Variants in MOV10 observed in about 807,000 individuals in gnomAD.
MOV10 encodes the protein Mov10 RNA helicase, also known as RNA helicase MOV-10.
A neutral mutation model predicts 108.4 loss-of-function variants in MOV10; 39 were observed. That is an observed-to-expected ratio of 0.36 (90% CI 0.28 to 0.47). The LOEUF (loss-of-function observed/expected upper bound fraction) is 0.47, where lower values mean the gene tolerates loss of function less well. MOV10 is among the 20% of genes least tolerant of loss of function. The pLI is 1.00. For synonymous variants in MOV10, 490 were observed against 523.1 expected (o/e 0.94, Z 0.86); for missense variants, 952 against 1,297.6 (o/e 0.73, Z 4.09).
chr1:112,686,356 A>T (rs1673080496), intron 2 of MOV10, among the ~76,000 whole-genome samples: 1 of 152,178 alleles, frequency 6.6e-6, no homozygotes. Context: ...AAAGTTACTG[A>T]TGATCTCCTG....
chr1:112,697,125 A>G (rs892209118), intron 14 of MOV10, among the ~76,000 whole-genome samples: 2 of 152,150 alleles, frequency 1.3e-5, no homozygotes, highest in African/African-American at 2.4e-5. Flanking sequence ...TACCAGTCCC[A>G]GATGAAGTTT....
chr1:112,680,707 C>CTTTT (rs1258934658), intron 2 of MOV10, among the ~76,000 whole-genome samples: 1 of 107,142 alleles, frequency 9.3e-6, no homozygotes, highest in Admixed American at 1.2e-4. Context: ...TCATTTATCT[C>CTTTT]TTTTTTTTTT....
intron 2 of MOV10, among the ~76,000 whole-genome samples, chr1:112,683,512 A>AT (rs1374417330): frequency 1.3e-5 from 2 of 151,908 alleles, no homozygotes; most frequent in African/African-American, 4.8e-5. Context: ...TAATTTCTTA[A>AT]TTTTTTTGTA....
intron 2 of MOV10, among the ~76,000 whole-genome samples, chr1:112,682,591 A>G (rs1032277381): frequency 6.6e-6 from 1 of 152,246 alleles, no homozygotes; most frequent in Admixed American, 6.5e-5. Context: ...GGTACAGAAC[A>G]TCACATCACT....
chr1:112,687,641 C>T (rs1246648121), intron 2 of MOV10, among the ~76,000 whole-genome samples: 1 of 152,094 alleles, frequency 6.6e-6, no homozygotes, highest in Admixed American at 6.5e-5. Flanking sequence ...GCTCCTCCTG[C>T]CACTCCCTTC....
chr1:112,697,633 C>T (rs913614222), intron 14 of MOV10, among the ~76,000 whole-genome samples: 1 of 152,154 alleles, frequency 6.6e-6, no homozygotes, highest in Non-Finnish European at 1.5e-5. Flanking sequence ...ATTGTGTCAT[C>T]ACTGCTTATA....
chr1:112,678,943 C>T (rs192611319), intron 2 of MOV10, among the ~76,000 whole-genome samples: 8 of 152,122 alleles, frequency 5.3e-5, no homozygotes, highest in Admixed American at 2.0e-4. Flanking sequence ...AAAACAATGC[C>T]TGCCCTTGAA....
Position 112,700,284 on chromosome 1 carries a change from T to C in MOV10, c.2864T>C (p.Leu955Pro). ...TGTCCCTTCCCTGCCAAACTGGACC[T>C]GCAACAGGGACAGAATTTACTGCAA... ...TGCPFPAKLD[L>P]QQGQNLLQGL... The change falls in exon 20 of 21, where the codon CTG becomes CCG. Residue 955 changes from leucine (L) to proline (P), a missense_variant. Physicochemically the swap from Leu to Pro is moderately conservative, Grantham distance 98. Around this residue, in one of 5 missense-constraint regions of MOV10, gnomAD observed 65 missense variants for 124.3 expected, o/e 0.52. Coordinates refer to ENST00000369645, the MANE Select transcript of MOV10 (RefSeq NM_001321324.2). 1 of 1,614,194 alleles carries C rather than the reference T, an allele frequency of 6.2e-7. No homozygotes were observed. Among genetic ancestry groups the C allele is most frequent in the Non-Finnish European group, 8.5e-7 (1 of 1,180,032 alleles).
chr1:112,695,679 A>G (rs1674005889), intron 11 of MOV10, 105 bp downstream of exon 11: 11 of 1,258,614 alleles, frequency 8.7e-6, no homozygotes, highest in Non-Finnish European at 1.1e-6. Context: ...GATACTTGCT[A>G]TGTGACCTTG....
intron 2 of MOV10, among the ~76,000 whole-genome samples, chr1:112,677,815 T>C (rs1047741730): frequency 3.9e-5 from 6 of 152,102 alleles, no homozygotes; most frequent in African/African-American, 1.2e-4. Context: ...TCTAGGAGAT[T>C]CCTACACTGA....
At chr1:112,690,226 CAG>C (rs1673462259) in intron 5 of MOV10, 128 bp downstream of exon 5, 5 of 1,238,214 alleles carry the variant, frequency 4.0e-6, no homozygotes, top group Non-Finnish European at 5.5e-6. Context: ...TTCTGGGTCT[CAG>C]AGAATTTTTC....
In MOV10 at chr1:112,675,108, C is replaced by A. The variant is rs911823503; in HGVS notation, c.137+59C>A. 117 of 1,559,176 alleles carry A rather than the reference C, an allele frequency of 7.5e-5. No homozygotes were observed. The Middle Eastern group carries it at 1.5e-3, about 20-fold the overall frequency. On this transcript the variant is annotated intron_variant, in intron 2 of 20. Transcript: ENST00000369645. This position sits in a 1 kb window ranked among gnomAD's most constrained non-coding sequence, Gnocchi z 4.7. The stretch of plus-strand genomic sequence containing the variant: ...GGGCCCAGCTTGCTGCCACGACCCC[C>A]GCGCGAGGGCCACCTTTCCCGCCCC...
chr1:112,683,900 C>T (rs79403866), intron 2 of MOV10, among the ~76,000 whole-genome samples: 472 of 152,276 alleles, frequency 3.1e-3, no homozygotes, highest in Non-Finnish European at 4.9e-3. Flanking sequence ...ATTCCAGGAA[C>T]AGTGTTACTG....
chr1:112,689,460 G>A lies in MOV10; in HGVS notation c.387G>A (p.Gln129=), dbSNP rs1036883333. 2 of 1,600,274 alleles carry A rather than the reference G, an allele frequency of 1.2e-6. No homozygotes were observed. Among genetic ancestry groups the A allele is most frequent in the African/African-American group, 1.3e-5 (1 of 74,252 alleles). Residue 129 remains glutamine (Q), a synonymous_variant, in exon 4 of 21, where the codon CAG becomes CAA. Transcript: ENST00000369645. ...AACATGGTGTGGATGTGGAAGTCCA[G>A]GGGCCCCATGAAGCCCGAGATGGGC... is the stretch of plus-strand genomic sequence containing the variant. The part of the protein sequence containing the change: ...HGKHGVDVEV[Q]GPHEARDGQL...
intron 1 of MOV10, 22 bp from the exon 2 acceptor site, chr1:112,674,821 CCTCAT>C: frequency 7.4e-7 from 1 of 1,348,396 alleles, no homozygotes; most frequent in East Asian, 2.7e-5. Flanking sequence ...CCTGCTGCAC[CCTCAT>C]CTCAGGGCCG....
rs777233250 is a variant in MOV10, at chr1:112,698,298, C to A, written c.2328C>A (p.Ile776=). The A allele has an allele frequency of 3.7e-6, 6 of 1,613,584 alleles. No homozygotes were observed. The Admixed American group carries it at 6.7e-5, about 18-fold the overall frequency. ...WAGLPRQGFP[I]IFHGVMGKDE... is the part of the protein sequence containing the mutation. ...GACCCCATGTCCAGGGCTTTCCCAT[C>A]ATCTTTCACGGCGTAATGGGCAAAG... Residue 776 remains isoleucine, a synonymous_variant, in exon 16 of 21, where the codon ATC becomes ATA. Transcript: ENST00000369645.
chr1:112,685,870 G>A (rs1673045089), intron 2 of MOV10, among the ~76,000 whole-genome samples: 1 of 152,146 alleles, frequency 6.6e-6, no homozygotes, highest in Admixed American at 6.5e-5. Context: ...AATATTTAGG[G>A]ATAGCATCTG....
chr1:112,680,892 G>A (rs137876838), intron 2 of MOV10, among the ~76,000 whole-genome samples: 1,717 of 151,260 alleles, frequency 0.011, 17 homozygotes, highest in Non-Finnish European at 0.018. Flanking sequence ...TAGTAGAGAC[G>A]AGGTTTCACC....
rs883593 is a variant in MOV10, at chr1:112,694,549, A to G, written c.1392A>G (p.Thr464=). 369,761 of 1,613,752 alleles carry G rather than the reference A, an allele frequency of 0.23. 47,087 individuals carry two copies. The highest frequency in any genetic ancestry group is 0.57 in the East Asian group (25,719 of 44,836). Residue 464 remains threonine, a synonymous_variant, in exon 9 of 21, where the codon ACA becomes ACG. Transcript: ENST00000369645. The surrounding 1 kb of genome is among the most constrained non-coding windows in gnomAD (Gnocchi z 4.1). ...TCCAGCACCGTGCCCTGGAGCTGAC[A>G]GGGCGCTGGCTGCTGTGGCCCATGC... is the stretch of plus-strand genomic sequence containing the variant. The part of the protein sequence containing the change: ...LRVQHRALEL[T]GRWLLWPMLF...
Sources: allele counts gnomAD v4.1 joint callset (sites outside exome capture counted in the v4.1 genomes callset), GRCh38; gene constraint gnomAD v4.1.1; regional missense constraint gnomAD v4.1.1; non-coding constraint Gnocchi (gnomAD v3.1); transcripts MANE v1.5; gene names NCBI Gene and HGNC (gene_info 2026-07-23, HGNC 2026-07-21).